UBE3C: variants seen among roughly 807,000 people sequenced by gnomAD.
UBE3C encodes ubiquitin-protein ligase E3C.
In UBE3C, 42 loss-of-function variants were observed where a neutral mutation model predicts 129.4. The ratio of observed to expected loss-of-function variants is 0.32; its 90% confidence interval spans 0.25 to 0.42. UBE3C has a LOEUF of 0.42. UBE3C is among the 10% of genes least tolerant of loss of function. The pLI is 1.00. For missense variants in UBE3C, 1,049 were observed against 1,319.1 expected (o/e 0.80, Z 3.17); for synonymous variants, 510 against 492.4 (o/e 1.04, Z -0.47).
chr7:157,259,427 CAT>C (rs950381923), intron 22 of UBE3C, among the ~76,000 whole-genome samples: 17 of 152,322 alleles, frequency 1.1e-4, no homozygotes, highest in Admixed American at 4.6e-4. Context: ...CAGATGGCAA[CAT>C]ATTTTCACAC....
At chr7:157,229,925 T>TTTA (rs1491206460) in intron 17 of UBE3C, among the ~76,000 whole-genome samples, 2 of 94,728 alleles carry the variant, frequency 2.1e-5, no homozygotes, top group African/African-American at 5.4e-5. Flanking sequence ...AATTTATTTA[T>TTTA]TTTTTTTTTT....
At chr7:157,240,747 T>C (rs1420337336) in intron 18 of UBE3C, among the ~76,000 whole-genome samples, 1 of 151,966 alleles carries the variant, frequency 6.6e-6, no homozygotes, top group Admixed American at 6.6e-5. Context: ...GGAGTCGAGG[T>C]CCTTCAGGGA....
intron 1 of UBE3C, among the ~76,000 whole-genome samples, chr7:157,149,181 G>A (rs965563209): frequency 3.9e-5 from 6 of 152,090 alleles, no homozygotes; most frequent in Middle Eastern, 3.4e-3. Flanking sequence ...CTCTGCCTCC[G>A]GAGTAGCTGG....
intron 9 of UBE3C, among the ~76,000 whole-genome samples, chr7:157,184,244 CAT>C (rs1397860106): frequency 2.0e-5 from 3 of 152,130 alleles, no homozygotes; most frequent in African/African-American, 2.4e-5. Context: ...AATGGAGACA[CAT>C]AGCTTTGTGT....
chr7:157,172,096 G>C (rs973797494), intron 4 of UBE3C, among the ~76,000 whole-genome samples: 1 of 150,818 alleles, frequency 6.6e-6, no homozygotes, highest in African/African-American at 2.4e-5. Flanking sequence ...GTAGTGGTGC[G>C]ATCTCAGCTC....
intron 18 of UBE3C, among the ~76,000 whole-genome samples, chr7:157,235,711 C>T (rs1024586216): frequency 6.6e-6 from 1 of 152,140 alleles, no homozygotes; most frequent in African/African-American, 2.4e-5. Context: ...AGACCAATAA[C>T]AAAACTAAGA....
At position 157,208,737 on chromosome 7, in the gene UBE3C, C is replaced by T. The variant is rs561491084; in HGVS notation, c.1809+802C>T. ...AACCAGAAAGTGAAGTTTTGAGTTACTGTGGCTGGAATGTTGGCAGGAAAC... is the reference window on the plus strand; with the variant it reads ...AACCAGAAAGTGAAGTTTTGAGTTATTGTGGCTGGAATGTTGGCAGGAAAC... On this transcript the variant is annotated intron_variant, in intron 13 of 22. Transcript: ENST00000348165. Among the ~76,000 whole-genome samples, 18 of 152,222 alleles carry T rather than the reference C, an allele frequency of 1.2e-4. No homozygotes were observed. The South Asian group carries it at 3.7e-3, about 32-fold the overall frequency.
At chr7:157,154,096 G>C (rs1208447584) in intron 1 of UBE3C, among the ~76,000 whole-genome samples, 2 of 152,044 alleles carry the variant, frequency 1.3e-5, no homozygotes, top group Non-Finnish European at 2.9e-5. Flanking sequence ...GGCCGAGGTG[G>C]GTGGATCACG....
At chr7:157,206,479 G>A (rs942986620) in intron 11 of UBE3C, among the ~76,000 whole-genome samples, 1 of 151,928 alleles carries the variant, frequency 6.6e-6, no homozygotes, top group African/African-American at 2.4e-5. Flanking sequence ...GGCCAGGCTG[G>A]TCTCGAACTC....
chr7:157,180,449 G>A lies in UBE3C; in HGVS notation c.617-1069G>A, dbSNP rs949773112. Reference sequence around the variant, plus strand: ...TCAGTATACACTAGGTTAGACTTGGGGTAGTTACAAAGTAGGTCTAATGAT... The same window carrying A: ...TCAGTATACACTAGGTTAGACTTGGAGTAGTTACAAAGTAGGTCTAATGAT... On this transcript the variant is annotated intron_variant, in intron 6 of 22. Transcript: ENST00000348165. Among the ~76,000 whole-genome samples the A allele has an allele frequency of 2.0e-5, 3 of 152,288 alleles. No individual in the cohort carries two copies. The East Asian group carries it at 5.8e-4, about 29-fold the overall frequency.
intron 22 of UBE3C, among the ~76,000 whole-genome samples, chr7:157,267,292 G>A (rs1269804458): frequency 1.3e-5 from 2 of 152,082 alleles, no homozygotes; most frequent in Non-Finnish European, 1.5e-5. Flanking sequence ...CATGGTGGCA[G>A]GCACCTGTAA....
At chr7:157,252,975 T>G (rs1431346522) in intron 19 of UBE3C, among the ~76,000 whole-genome samples, 1 of 152,200 alleles carries the variant, frequency 6.6e-6, no homozygotes, top group Non-Finnish European at 1.5e-5. Flanking sequence ...TAAGGGATCC[T>G]CTTGCCTTGG....
chr7:157,178,228 A>G (rs1808575728), intron 5 of UBE3C, among the ~76,000 whole-genome samples: 1 of 152,124 alleles, frequency 6.6e-6, no homozygotes, highest in African/African-American at 2.4e-5. Flanking sequence ...TCAAAATGAG[A>G]GTTGACTTAG....
At chr7:157,203,142 A>G (rs1270937717) in intron 11 of UBE3C, among the ~76,000 whole-genome samples, 3 of 152,228 alleles carry the variant, frequency 2.0e-5, no homozygotes, top group Admixed American at 2.0e-4. Flanking sequence ...AAAACAGTTC[A>G]TACTAATGAA....
At chr7:157,229,264 CAG>C (rs1415535753) in intron 17 of UBE3C, among the ~76,000 whole-genome samples, 2 of 152,176 alleles carry the variant, frequency 1.3e-5, no homozygotes, top group Non-Finnish European at 2.9e-5. Flanking sequence ...GCCTGTTTAT[CAG>C]AGCACATCTT....
intron 22 of UBE3C, 90 bp from the exon 23 acceptor site, chr7:157,267,495 T>A (rs369833073): frequency 6.9e-7 from 1 of 1,458,322 alleles, no homozygotes; most frequent in South Asian, 1.2e-5. Flanking sequence ...CTTTACTGAT[T>A]GGAGCAGGCA....
chr7:157,181,795 A>G (rs1808673463), intron 7 of UBE3C, 124 bp downstream of exon 7: 1 of 1,280,640 alleles, frequency 7.8e-7, no homozygotes, highest in Non-Finnish European at 1.1e-6. Context: ...ATTAGTGTTG[A>G]TTTAGTTTAT....
At chr7:157,184,222 C>A (rs561429220) in intron 9 of UBE3C, among the ~76,000 whole-genome samples, 193 bp downstream of exon 9, 4 of 152,316 alleles carry the variant, frequency 2.6e-5, no homozygotes, top group African/African-American at 9.6e-5. Context: ...TTAGCACGTT[C>A]ATGGAAGTGT....
At chr7:157,168,890 A>G (rs1808290683) in intron 2 of UBE3C, among the ~76,000 whole-genome samples, 158 bp from the exon 3 acceptor site, 1 of 152,216 alleles carries the variant, frequency 6.6e-6, no homozygotes, top group South Asian at 2.1e-4. Flanking sequence ...AGCTCTTAAT[A>G]TATTAAATGC....
Sources: gnomAD v4.1 joint callset for allele counts (sites outside exome capture counted in the v4.1 genomes callset) on GRCh38, gnomAD v4.1.1 for gene constraint, MANE v1.5 for transcripts, NCBI Gene and HGNC (gene_info 2026-07-23, HGNC 2026-07-21) for gene names.